The following LYRM4 variants were observed in gnomAD, a reference collection of about 807,000 sequenced individuals.
LYRM4 encodes the protein LYR motif-containing protein 4.
LYRM4 carries 9 observed loss-of-function variants against 11.7 expected under a neutral mutation model. The observed-to-expected ratio is 0.77, with a 90% CI of 0.46 to 1.34. The LOEUF (loss-of-function observed/expected upper bound fraction) is 1.34. LYRM4 is among the 40% of genes most tolerant of loss of function. LYRM4 has a pLI of 0.00. For missense variants in LYRM4, 133 were observed against 112.5 expected (o/e 1.18, Z -0.82); for synonymous variants, 42 against 40.4 (o/e 1.04, Z -0.15).
intron 2 of LYRM4, among the ~76,000 whole-genome samples, chr6:5,166,344 C>T (rs1285856827): frequency 3.9e-5 from 6 of 152,200 alleles, no homozygotes; most frequent in African/African-American, 9.6e-5. Flanking sequence ...ACATAAACAG[C>T]GGAGAGCTGA....
At chr6:5,232,017 T>C (rs1763270935) in intron 1 of LYRM4, among the ~76,000 whole-genome samples, 1 of 152,214 alleles carries the variant, frequency 6.6e-6, no homozygotes, top group South Asian at 2.1e-4. Context: ...TTACAAATGC[T>C]TACTGGTTAC....
intron 2 of LYRM4, among the ~76,000 whole-genome samples, chr6:5,145,683 T>C (rs921278262): frequency 1.3e-5 from 2 of 152,216 alleles, no homozygotes; most frequent in Admixed American, 6.5e-5. Flanking sequence ...TCGATCCTCA[T>C]GCCTATTAAT....
Position 5,184,173 on chromosome 6 carries a change from AT to A in LYRM4, c.207+32444del, listed in dbSNP as rs1760243354. ...TCAGACTTGCCTGCATTGAAGACAA[AT>A]TTTTTTCATACATATTCTTAACGAT... On this transcript the variant is annotated intron_variant, in intron 2 of 2. Coordinates refer to ENST00000330636, the MANE Select transcript of LYRM4 (RefSeq NM_020408.6). Among the ~76,000 whole-genome samples the A allele has an allele frequency of 3.3e-5, 5 of 152,178 alleles. No individual in the cohort carries two copies. The South Asian group carries it at 8.3e-4, about 25-fold the overall frequency.
the LYRM4 span, among the ~76,000 whole-genome samples, chr6:5,092,326 G>C: frequency 3.9e-5 from 6 of 152,142 alleles, no homozygotes; most frequent in African/African-American, 1.4e-4. Flanking sequence ...AGGTTGTTCT[G>C]GTGCAGGTGA....
chr6:5,050,274 A>G, the LYRM4 span, among the ~76,000 whole-genome samples: 1 of 152,260 alleles, frequency 6.6e-6, no homozygotes, highest in Non-Finnish European at 1.5e-5. Context: ...CAGCCAGGCA[A>G]ACAGCTATGC....
At chr6:5,162,072 T>C (rs1395467911) in intron 2 of LYRM4, among the ~76,000 whole-genome samples, 1 of 152,282 alleles carries the variant, frequency 6.6e-6, no homozygotes, top group Non-Finnish European at 1.5e-5. Context: ...ACACAAGTCA[T>C]GTAGCCTAAC....
intron 1 of LYRM4, among the ~76,000 whole-genome samples, chr6:5,226,578 T>G (rs1370357675): frequency 2.6e-5 from 4 of 152,226 alleles, no homozygotes; most frequent in Non-Finnish European, 5.9e-5. Context: ...GGTTTTTCCA[T>G]GTTGGTCAAG....
intron 2 of LYRM4, among the ~76,000 whole-genome samples, chr6:5,180,587 A>G (rs1381954713): frequency 1.3e-5 from 2 of 151,930 alleles, no homozygotes; most frequent in Non-Finnish European, 2.9e-5. Context: ...ACTTTTCTCA[A>G]TCTGTCACCC....
At chr6:5,156,816 T>C (rs915406620) in intron 2 of LYRM4, among the ~76,000 whole-genome samples, 1 of 152,190 alleles carries the variant, frequency 6.6e-6, no homozygotes, top group Non-Finnish European at 1.5e-5. Flanking sequence ...GAATCTGTAC[T>C]GCAAGGCAAT....
At chr6:5,135,748 G>A (rs893573013) in intron 2 of LYRM4, among the ~76,000 whole-genome samples, 20 of 152,116 alleles carry the variant, frequency 1.3e-4, no homozygotes, top group African/African-American at 4.6e-4. Context: ...ATGTGTGTGT[G>A]TTAAATACAC....
At chr6:5,237,572 T>C (rs956514042) in intron 1 of LYRM4, among the ~76,000 whole-genome samples, 5 of 152,256 alleles carry the variant, frequency 3.3e-5, no homozygotes, top group South Asian at 2.1e-4. Context: ...CGTGGAATAA[T>C]TGTCTTCCAT....
chr6:5,088,801 C>T, the LYRM4 span: 5 of 152,096 alleles, frequency 3.3e-5, no homozygotes, highest in Non-Finnish European at 5.9e-5. Flanking sequence ...AGAATAAACA[C>T]GAAAATGTGA....
At chr6:5,074,377 T>TG in the LYRM4 span, among the ~76,000 whole-genome samples, 1 of 145,746 alleles carries the variant, frequency 6.9e-6, no homozygotes, top group Admixed American at 7.0e-5. Context: ...GATAATGAGA[T>TG]GGGGAGAGAA....
At chr6:5,191,166 A>G (rs1006492798) in intron 2 of LYRM4, among the ~76,000 whole-genome samples, 5 of 152,254 alleles carry the variant, frequency 3.3e-5, no homozygotes, top group African/African-American at 1.2e-4. Flanking sequence ...GATAAGCTAT[A>G]CAATGAAATA....
At chr6:5,245,102 AAAAAAAAAAAAAT>A (rs1211217834) in intron 1 of LYRM4, among the ~76,000 whole-genome samples, 1 of 56,516 alleles carries the variant, frequency 1.8e-5, no homozygotes, top group African/African-American at 6.4e-5. Context: ...AAAAAAAAAA[AAAAAAAAAAAAAT>A]ATATATATAT....
At chr6:5,048,414 A>C in the LYRM4 span, among the ~76,000 whole-genome samples, 1 of 151,658 alleles carries the variant, frequency 6.6e-6, no homozygotes, top group African/African-American at 2.4e-5. Flanking sequence ...TCCTGGGCTC[A>C]AGTGAGCCTC....
rs150780531 is a variant in LYRM4 at position 5,169,399 on chromosome 6, T to C, written c.207+47219A>G. 2.7e-3 allele frequency among the ~76,000 whole-genome samples: 415 copies of C among 152,288 alleles called. 4 individuals carry two copies. Among genetic ancestry groups the C allele is most frequent in the African/African-American group, 9.7e-3 (402 of 41,552 alleles). On this transcript the variant is annotated intron_variant, in intron 2 of 2. Coordinates refer to ENST00000330636, the MANE Select transcript of LYRM4 (RefSeq NM_020408.6). The stretch of plus-strand genomic sequence containing the variant: ...AAGGCACCTGGGCACACAGGAGTAT[T>C]TTCAAGCAGGAATCCCTTTTAAGAT...
At chr6:5,165,823 G>A (rs576274930) in intron 2 of LYRM4, among the ~76,000 whole-genome samples, 1 of 152,166 alleles carries the variant, frequency 6.6e-6, no homozygotes, top group South Asian at 2.1e-4. Flanking sequence ...AATTACAGGC[G>A]TGAGCCACCG....
chr6:5,116,774 A>T (rs1324935310), intron 2 of LYRM4, among the ~76,000 whole-genome samples: 2 of 152,238 alleles, frequency 1.3e-5, no homozygotes, highest in Non-Finnish European at 2.9e-5. Flanking sequence ...GTAGCTGGGG[A>T]TGACTAGATG....
Sources: gnomAD v4.1 joint callset for allele counts (sites outside exome capture counted in the v4.1 genomes callset) on GRCh38, gnomAD v4.1.1 for gene constraint, MANE v1.5 for transcripts, NCBI Gene and HGNC (gene_info 2026-07-23, HGNC 2026-07-21) for gene names.